The following ZNF628 variants were observed in gnomAD, a reference collection of about 807,000 sequenced individuals.
The protein encoded by ZNF628 is zinc finger protein 628, also known as zinc finger protein Zec.
A neutral mutation model predicts 2.5 loss-of-function variants in ZNF628; 3 were observed. The observed-to-expected ratio is 1.19, with a 90% CI of 0.54 to 3.07. ZNF628 has a LOEUF of 3.07. ZNF628 is among the 30% of genes most tolerant of loss of function. The pLI, the probability that ZNF628 is intolerant of heterozygous loss-of-function variation, is 0.03. For synonymous variants in ZNF628, 861 were observed against 717.1 expected, an observed-to-expected ratio of 1.20 and a Z score of -3.21; for missense variants, 1,610 against 1,517.1, an observed-to-expected ratio of 1.06 and a Z score of -1.02.
chr19:55,483,316 A>G lies in ZNF628; in HGVS notation c.2123A>G (p.Asn708Ser). 1 of 1,532,216 alleles carries G rather than the reference A, an allele frequency of 6.5e-7. No individual in the cohort carries two copies. The highest frequency in any genetic ancestry group is 8.8e-7 in the Non-Finnish European group (1 of 1,142,190). 94.9% of individuals were successfully genotyped at this position (1,532,216 alleles called of 1,614,324 possible). A position where few individuals can be genotyped will look rare whatever the true frequency, so the allele number is the denominator to read the frequency against. The change falls in exon 3 of 3, where the codon AAC becomes AGC. Residue 708 changes from asparagine (N) to serine (S), a missense_variant. By Grantham distance (46) the Asn-to-Ser change is conservative. This residue lies in a region of ZNF628 where 712 missense variants were observed against 603.6 expected (regional missense o/e 1.18). Coordinates refer to ENST00000598519, the MANE Select transcript of ZNF628 (RefSeq NM_033113.3). Reference protein sequence around the residue: ...QAPSLGPAAPNSQTFLLVQTA... With the variant: ...QAPSLGPAAPSSQTFLLVQTA... ...CCGAGCTTGGGGCCAGCAGCGCCCA[A>G]CTCTCAGACGTTCCTCCTGGTGCAA...
chr19:55,482,001 G>A lies in ZNF628; in HGVS notation c.808G>A (p.Ala270Thr). The A allele has an allele frequency of 8.2e-7, 1 of 1,218,850 alleles. No homozygotes were observed. Among genetic ancestry groups the A allele is most frequent in the South Asian group, 1.4e-5 (1 of 72,912 alleles). 75.5% of individuals were successfully genotyped at this position (1,218,850 alleles called of 1,614,324 possible). ...LQPHSPPAPP[A>T]PPPPPPPVVP... ...GCCCCACAGCCCGCCCGCGCCTCCCGCCCCGCCGCCCCCGCCCCCGCCCGT... is the reference window on the plus strand; with the variant it reads ...GCCCCACAGCCCGCCCGCGCCTCCCACCCCGCCGCCCCCGCCCCCGCCCGT... Residue 270 changes from alanine to threonine, a missense_variant, in exon 3 of 3, where the codon GCC becomes ACC. This residue lies in a region of ZNF628 where 651 missense variants were observed against 575.6 expected (regional missense o/e 1.13). Coordinates refer to ENST00000598519, the MANE Select transcript of ZNF628 (RefSeq NM_033113.3).
Position 55,481,806 on chromosome 19 carries a change from C to A in ZNF628, c.613C>A (p.Arg205Ser). 1 of 1,602,010 alleles carries A rather than the reference C, an allele frequency of 6.2e-7. No individual in the cohort carries two copies. Among genetic ancestry groups the A allele is most frequent in the East Asian group, 2.3e-5 (1 of 44,214 alleles). The change falls in exon 3 of 3, where the codon CGC (arginine) becomes AGC (serine). Residue 205 changes from arginine (R) to serine (S), a missense_variant. Physicochemically the swap from Arg to Ser is moderately radical, Grantham distance 110 (BLOSUM62 -1). This residue lies in a region of ZNF628 where 651 missense variants were observed against 575.6 expected (regional missense o/e 1.13). Coordinates refer to ENST00000598519, the MANE Select transcript of ZNF628 (RefSeq NM_033113.3). ...CGTGCACACGGGCGAGCGGCCCTTC[C>A]GCTGCCCGCTCTGCCCCAAGACCTT... ...QRVHTGERPF[R>S]CPLCPKTFTH...
Position 55,482,894 on chromosome 19 carries a change from C to G in ZNF628, c.1701C>G (p.Ala567=). 6.2e-7 allele frequency: 1 copy of G among 1,607,590 alleles called. No homozygotes were observed. Among genetic ancestry groups the G allele is most frequent in the South Asian group, 1.1e-5 (1 of 90,906 alleles). The change falls in exon 3 of 3, where the codon GCC becomes GCG. Residue 567 remains alanine, a synonymous_variant. Coordinates refer to ENST00000598519, the MANE Select transcript of ZNF628 (RefSeq NM_033113.3). ...RHVHTGERPH[A]CGVCGKSFAQ... ...TGCACACTGGCGAGAGGCCCCACGC[C>G]TGCGGTGTCTGCGGCAAGAGCTTCG...
rs1269888266 is a variant in ZNF628 at position 55,481,862 on chromosome 19, G to A, written c.669G>A (p.Gln223=). ...FTHSSNLLLH[Q]RTHGAAPAPG... is the part of the protein sequence containing the mutation. Reference sequence around the variant, plus strand: ...ACTCCTCCAACCTGCTGCTGCACCAGCGCACGCACGGCGCCGCCCCCGCCC... The same window carrying A: ...ACTCCTCCAACCTGCTGCTGCACCAACGCACGCACGGCGCCGCCCCCGCCC... Residue 223 remains glutamine, a synonymous_variant, in exon 3 of 3, where the codon CAG becomes CAA. Transcript: ENST00000598519. The A allele has an allele frequency of 1.0e-5, 16 of 1,574,422 alleles. No individual in the cohort carries two copies. In the South Asian group the frequency reaches 1.7e-4, roughly 17 times the overall value.
Position 55,482,353 on chromosome 19 carries a change from G to C in ZNF628, c.1160G>C (p.Arg387Pro). 4.2e-6 allele frequency: 6 copies of C among 1,441,252 alleles called. No individual in the cohort carries two copies. Among genetic ancestry groups the C allele is most frequent in the East Asian group, 6.1e-5 (2 of 32,692 alleles). 89.3% of individuals were successfully genotyped at this position (1,441,252 alleles called of 1,614,324 possible). The change falls in exon 3 of 3, where the codon CGC (arginine) becomes CCC (proline). Residue 387 changes from arginine to proline, a missense_variant. Physicochemically the swap from Arg to Pro is moderately radical, Grantham distance 103. Around this residue, in one of 5 missense-constraint regions of ZNF628, gnomAD observed 651 missense variants for 575.6 expected, o/e 1.13. Coordinates refer to ENST00000598519, the MANE Select transcript of ZNF628 (RefSeq NM_033113.3). ...SHGAAGGQAFRCGSCDGSFPQ... is the reference protein window; with the variant it reads ...SHGAAGGQAFPCGSCDGSFPQ... ...GGGGCTGCCGGCGGGCAAGCGTTCC[G>C]CTGCGGCAGCTGCGACGGCTCCTTC... is the stretch of plus-strand genomic sequence containing the variant.
rs1010875151 is a variant in ZNF628 at position 55,482,907 on chromosome 19, G to A, written c.1714G>A (p.Gly572Ser). The change falls in exon 3 of 3, where the codon GGC becomes AGC. Residue 572 changes from glycine (G) to serine (S), a missense_variant. Gly to Ser is a moderately conservative substitution (Grantham distance 56). Coordinates refer to ENST00000598519, the MANE Select transcript of ZNF628 (RefSeq NM_033113.3). Reference protein sequence around the residue: ...GERPHACGVCGKSFAQTSNLR... With the variant: ...GERPHACGVCSKSFAQTSNLR... ...GAGGCCCCACGCCTGCGGTGTCTGC[G>A]GCAAGAGCTTCGCGCAGACCTCCAA... 6.2e-6 allele frequency: 10 copies of A among 1,607,566 alleles called. No homozygotes were observed. The highest frequency in any genetic ancestry group is 1.3e-5 in the African/African-American group (1 of 74,780).
In ZNF628 at chr19:55,482,508, G is replaced by GCC; in HGVS notation, c.1315_1316insCC (p.Val439AlafsTer204). 7.7e-7 allele frequency: 1 copy of GCC among 1,296,410 alleles called. No homozygotes were observed. Among genetic ancestry groups the GCC allele is most frequent in the Non-Finnish European group, 1.0e-6 (1 of 971,486 alleles). 80.3% of individuals were successfully genotyped at this position (1,296,410 alleles called of 1,614,324 possible). ...GGAACCGCTGGCGCCTGCCGCCCCC[G>GCC]TCCCGCCGCCACCCCCGTCCGCCCC... is the stretch of plus-strand genomic sequence containing the variant. On this transcript the variant is annotated frameshift_variant, in exon 3 of 3. Transcript: ENST00000598519. LOFTEE classifies it low-confidence loss of function (END_TRUNC).
rs763898161 is a variant in ZNF628 at position 55,481,950 on chromosome 19, G to C, written c.757G>C (p.Asp253His). 1 of 1,470,082 alleles carries C rather than the reference G, an allele frequency of 6.8e-7. No homozygotes were observed. The highest frequency in any genetic ancestry group is 1.5e-5 in the African/African-American group (1 of 67,104). The allele number at this position is 1,470,082 out of a possible 1,614,324, so 91.1% of individuals were successfully genotyped here. The change falls in exon 3 of 3, where the codon GAC (aspartate) becomes CAC (histidine). Residue 253 changes from aspartate to histidine, a missense_variant. Physicochemically the swap from Asp to His is moderately conservative, Grantham distance 81. Coordinates refer to ENST00000598519, the MANE Select transcript of ZNF628 (RefSeq NM_033113.3). ...GGAGCCCGGCAAGGTCTTCGTGTGC[G>C]ACGCCTACCTGCAGCGGCACCTCCA... ...SREPGKVFVC[D>H]AYLQRHLQPH...
In ZNF628 at chr19:55,481,189, T is replaced by G; in HGVS notation, c.8-12T>G. On this transcript the variant is annotated splice_polypyrimidine_tract_variant and intron_variant, in intron 2 of 2. Coordinates refer to ENST00000598519, the MANE Select transcript of ZNF628 (RefSeq NM_033113.3). The stretch of plus-strand genomic sequence containing the variant: ...GCGGGGGTGAGCCGCTGACCCAGAA[T>G]CCCTCCCCCAGGTGTGATGGTCGGC... 2 of 1,518,308 alleles carry G rather than the reference T, an allele frequency of 1.3e-6. No homozygotes were observed. The highest frequency in any genetic ancestry group is 1.8e-6 in the Non-Finnish European group (2 of 1,136,066). The allele number at this position is 1,518,308 out of a possible 1,614,324, so 94.1% of individuals were successfully genotyped here.
At chr19:55,478,792 CAG>C (rs1196019202) in intron 1 of ZNF628, among the ~76,000 whole-genome samples, 1 of 152,118 alleles carries the variant, frequency 6.6e-6, no homozygotes, top group Non-Finnish European at 1.5e-5. Flanking sequence ...AATCTGCGGA[CAG>C]GGGCAATCGA....
In ZNF628 at chr19:55,484,377, G is replaced by A. The variant is rs561580756; in HGVS notation, c.*4G>A. The A allele has an allele frequency of 4.9e-5, 70 of 1,442,736 alleles. No individual in the cohort carries two copies. In the South Asian group the frequency reaches 5.2e-4, roughly 11 times the overall value. The allele number at this position is 1,442,736 out of a possible 1,614,324, so 89.4% of individuals were successfully genotyped here. On this transcript the variant is annotated 3_prime_UTR_variant, in exon 3 of 3. Transcript: ENST00000598519. ...CCAGCTGGTGCACACGTTTTGAGGA[G>A]AGGCAGTGATTCCCCTCCCGCCCCG...
intron 1 of ZNF628, among the ~76,000 whole-genome samples, chr19:55,477,772 C>A (rs926654837): frequency 1.4e-5 from 2 of 144,296 alleles, no homozygotes; most frequent in Admixed American, 6.9e-5. Context: ...CAAAAAAAAA[C>A]AAAAAAAACA....
rs756660858 is a variant in ZNF628 at position 55,483,201 on chromosome 19, C to T, written c.2008C>T (p.Arg670Trp). ...PQPPAPLAAA[R>W]APPATQDVHV... Reference sequence around the variant, plus strand: ...GCCCCCTGCTCCACTGGCTGCTGCGCGGGCCCCGCCAGCCACCCAAGATGT... The same window carrying T: ...GCCCCCTGCTCCACTGGCTGCTGCGTGGGCCCCGCCAGCCACCCAAGATGT... The change falls in exon 3 of 3, where the codon CGG becomes TGG. Residue 670 changes from arginine (R) to tryptophan (W), a missense_variant. Transcript: ENST00000598519. 1.2e-5 allele frequency: 19 copies of T among 1,543,660 alleles called. No homozygotes were observed. The highest frequency in any genetic ancestry group is 1.1e-4 in the South Asian group (9 of 84,766).
In ZNF628 at chr19:55,483,588, C is replaced by G; in HGVS notation, c.2395C>G (p.Leu799Val). 1 of 1,611,986 alleles carries G rather than the reference C, an allele frequency of 6.2e-7. No individual in the cohort carries two copies. The highest frequency in any genetic ancestry group is 8.5e-7 in the Non-Finnish European group (1 of 1,179,146). The change falls in exon 3 of 3, where the codon CTC becomes GTC. Residue 799 changes from leucine to valine, a missense_variant. This residue lies in a region of ZNF628 where 712 missense variants were observed against 603.6 expected (regional missense o/e 1.18). Coordinates refer to ENST00000598519, the MANE Select transcript of ZNF628 (RefSeq NM_033113.3). ...TGGGGCCAGCGGGACAGGGCAGAGC[C>G]TCATCGTTCTGCAGAATGTGGGGGG... ...SAGASGTGQS[L>V]IVLQNVGGGE... is the part of the protein sequence containing the mutation.
chr19:55,478,182 A>G (rs1986608449), intron 1 of ZNF628, among the ~76,000 whole-genome samples: 1 of 152,158 alleles, frequency 6.6e-6, no homozygotes, highest in Admixed American at 6.5e-5. Context: ...TCAACAGAGA[A>G]TGGTCTGGCC....
At position 55,481,924 on chromosome 19, in the gene ZNF628, G is replaced by T; in HGVS notation, c.731G>T (p.Arg244Leu). ...TASAAPPPQS[R>L]EPGKVFVCDA... is the part of the protein sequence containing the mutation. ...TCCGCGGCCCCGCCCCCCCAGTCCCGGGAGCCCGGCAAGGTCTTCGTGTGC... is the reference window on the plus strand; with the variant it reads ...TCCGCGGCCCCGCCCCCCCAGTCCCTGGAGCCCGGCAAGGTCTTCGTGTGC... The change falls in exon 3 of 3, where the codon CGG becomes CTG. Residue 244 changes from arginine to leucine, a missense_variant. Around this residue, in one of 5 missense-constraint regions of ZNF628, gnomAD observed 651 missense variants for 575.6 expected, o/e 1.13. Coordinates refer to ENST00000598519, the MANE Select transcript of ZNF628 (RefSeq NM_033113.3). The T allele has an allele frequency of 6.9e-7, 1 of 1,438,964 alleles. No homozygotes were observed. Among genetic ancestry groups the T allele is most frequent in the Middle Eastern group, 2.5e-4 (1 of 3,990 alleles). The allele number at this position is 1,438,964 out of a possible 1,614,324, so 89.1% of individuals were successfully genotyped here. A position where few individuals can be genotyped will look rare whatever the true frequency, so the allele number is the denominator to read the frequency against.
intron 1 of ZNF628, among the ~76,000 whole-genome samples, chr19:55,477,772 CA>C (rs551558207): frequency 6.9e-6 from 1 of 144,294 alleles, no homozygotes; most frequent in Non-Finnish European, 1.5e-5. Context: ...CAAAAAAAAA[CA>C]AAAAAAACAC....
At position 55,479,666 on chromosome 19, in the gene ZNF628, A is replaced by C. The variant is rs1252570586; in HGVS notation, c.-77-168A>C. Among the ~76,000 whole-genome samples, 2 of 152,176 alleles carry C rather than the reference A, an allele frequency of 1.3e-5. No individual in the cohort carries two copies. Among genetic ancestry groups the C allele is most frequent in the Admixed American group, 1.3e-4 (2 of 15,274 alleles). ...TGGGCAGCATCCCTGGCCTCCACCC[A>C]CTAGATGCCAGGAGCACTTGCCTCT... is the stretch of plus-strand genomic sequence containing the variant. On this transcript the variant is annotated intron_variant, in intron 1 of 2. Transcript: ENST00000598519. This position sits in a 1 kb window ranked among gnomAD's most constrained non-coding sequence, Gnocchi z 5.1.
Position 55,481,715 on chromosome 19 carries a change from G to A in ZNF628, c.522G>A (p.Arg174=), listed in dbSNP as rs1986706983. The change falls in exon 3 of 3, where the codon CGG becomes CGA. Residue 174 remains arginine, a synonymous_variant. Coordinates refer to ENST00000598519, the MANE Select transcript of ZNF628 (RefSeq NM_033113.3). ...ACCGCCACGTGCACACCGGCGAGCG[G>A]CCCTACACCTGTGGAGTCTGCGGGA... The part of the protein sequence containing the change: ...RRHRHVHTGE[R]PYTCGVCGKS... 2 of 1,612,408 alleles carry A rather than the reference G, an allele frequency of 1.2e-6. No individual in the cohort carries two copies. The highest frequency in any genetic ancestry group is 1.1e-5 in the South Asian group (1 of 90,968).
Sources: allele counts gnomAD v4.1 joint callset (sites outside exome capture counted in the v4.1 genomes callset), GRCh38; gene constraint gnomAD v4.1.1; regional missense constraint gnomAD v4.1.1; non-coding constraint Gnocchi (gnomAD v3.1); transcripts MANE v1.5; gene names NCBI Gene and HGNC (gene_info 2026-07-23, HGNC 2026-07-21).